The following KIF3C variants were observed in gnomAD, a reference collection of about 807,000 sequenced individuals.
KIF3C encodes the protein kinesin-like protein KIF3C.
Under a neutral mutation model 67.7 loss-of-function variants are expected in KIF3C, and 12 were observed. The ratio of observed to expected loss-of-function variants is 0.18; its 90% confidence interval spans 0.11 to 0.29. The LOEUF is 0.29. KIF3C is among the 10% of genes least tolerant of loss of function. The pLI is 1.00. For synonymous variants in KIF3C, 393 were observed against 426.2 expected, an observed-to-expected ratio of 0.92 and a Z score of 0.96; for missense variants, 789 against 1,059.6, an observed-to-expected ratio of 0.74 and a Z score of 3.55.
At chr2:25,945,564 C>CAAAAAAAAAAAAA (rs10581291) in intron 5 of KIF3C, among the ~76,000 whole-genome samples, 1 of 67,392 alleles carries the variant, frequency 1.5e-5, no homozygotes, top group Non-Finnish European at 3.0e-5. Context: ...GAGAATATCT[C>CAAAAAAAAAAAAA]AAAAAAAAAA....
intron 6 of KIF3C, 67 bp downstream of exon 6, chr2:25,929,888 T>C: frequency 9.0e-7 from 1 of 1,105,116 alleles, no homozygotes; most frequent in Non-Finnish European, 1.4e-6. Context: ...AGTGCTGGGA[T>C]TACAGGTGTG....
chr2:25,971,452 AAAAAG>A (rs1198132452), intron 1 of KIF3C, among the ~76,000 whole-genome samples: 1 of 151,680 alleles, frequency 6.6e-6, no homozygotes, highest in African/African-American at 2.4e-5. Context: ...AAAAAAAAAG[AAAAAG>A]AAAAAAGAAA....
chr2:25,962,401 C>A (rs767906035), intron 1 of KIF3C, among the ~76,000 whole-genome samples: 2 of 151,668 alleles, frequency 1.3e-5, no homozygotes, highest in East Asian at 1.9e-4. Context: ...TTTTTTGAGA[C>A]GGAGTTTCGC....
intron 1 of KIF3C, among the ~76,000 whole-genome samples, chr2:25,968,580 T>C (rs1209982917): frequency 1.3e-5 from 2 of 152,218 alleles, no homozygotes; most frequent in Non-Finnish European, 2.9e-5. Context: ...GACAACAGAA[T>C]GTTCCAGTGT....
At chr2:25,947,546 A>T (rs570722885) in intron 5 of KIF3C, among the ~76,000 whole-genome samples, 6 of 151,874 alleles carry the variant, frequency 4.0e-5, no homozygotes, top group Non-Finnish European at 8.8e-5. Flanking sequence ...GCGCCACTGC[A>T]CTCCAGCCTG....
At position 25,981,482 on chromosome 2, in the gene KIF3C, A is replaced by G. The variant is rs1458630341; in HGVS notation, c.436T>C (p.Leu146=). Residue 146 remains leucine, a synonymous_variant, in exon 1 of 8, where the codon TTG becomes CTG. Coordinates refer to ENST00000264712, the MANE Select transcript of KIF3C (RefSeq NM_002254.8). This position sits in a 1 kb window ranked among gnomAD's most constrained non-coding sequence, Gnocchi z 8.2. ...NQQYLVRASY[L]EIYQEEIRDL... is the part of the protein sequence containing the mutation. ...CGAATCTCTTCCTGGTAGATCTCCA[A>G]ATAGGAGGCCCGGACCAGGTACTGT... The G allele has an allele frequency of 1.2e-6, 2 of 1,613,348 alleles. No homozygotes were observed. The highest frequency in any genetic ancestry group is 2.7e-5 in the African/African-American group (2 of 74,590).
chr2:25,953,678 T>G (rs7420152), intron 4 of KIF3C, among the ~76,000 whole-genome samples: 31,436 of 137,232 alleles, frequency 0.23, 5,154 homozygotes, highest in East Asian at 0.87. Context: ...TTTTGTTTTT[T>G]TTTTTTTTTT....
intron 5 of KIF3C, among the ~76,000 whole-genome samples, chr2:25,942,212 G>C (rs1663299413): frequency 6.6e-6 from 1 of 150,750 alleles, no homozygotes; most frequent in Non-Finnish European, 1.5e-5. Context: ...ACAAAAATTA[G>C]CTGGGCGTGG....
chr2:25,971,890 T>TTTC (rs1664293762), intron 1 of KIF3C, among the ~76,000 whole-genome samples: 3 of 144,442 alleles, frequency 2.1e-5, no homozygotes, highest in Non-Finnish European at 4.6e-5. Context: ...TTTTTTTTTT[T>TTTC]TTTTTTTTTA....
In KIF3C at chr2:25,981,855, G is replaced by T. The variant is rs1376407166; in HGVS notation, c.63C>A (p.Ser21Arg). The T allele has an allele frequency of 6.2e-7, 1 of 1,602,334 alleles. No individual in the cohort carries two copies. Among genetic ancestry groups the T allele is most frequent in the Non-Finnish European group, 8.5e-7 (1 of 1,174,204 alleles). Residue 21 changes from serine (S) to arginine (R), a missense_variant, in exon 1 of 8, where the codon AGC becomes AGA. Coordinates refer to ENST00000264712, the MANE Select transcript of KIF3C (RefSeq NM_002254.8). This position sits in a 1 kb window ranked among gnomAD's most constrained non-coding sequence, Gnocchi z 8.2. ...LKVVARCRPLSRKEEAAGHEQ... is the reference protein window; with the variant it reads ...LKVVARCRPLRRKEEAAGHEQ... ...CGTGACCAGCAGCCTCCTCCTTCCT[G>T]CTGAGGGGGCGGCACCGGGCCACCA... is the stretch of plus-strand genomic sequence containing the variant.
At position 25,951,731 on chromosome 2, in the gene KIF3C, C is replaced by G. The variant is rs952704732; in HGVS notation, c.2006+58G>C. ...GCAAGGCCTCAGGCCCCTCACCAGC[C>G]CCGACCTGGAGTGGACCCACAAGTC... On this transcript the variant is annotated intron_variant, in intron 5 of 7. Coordinates refer to ENST00000264712, the MANE Select transcript of KIF3C (RefSeq NM_002254.8). 9 of 1,189,710 alleles carry G rather than the reference C, an allele frequency of 7.6e-6. No individual in the cohort carries two copies. The African/African-American group carries it at 1.4e-4, about 18-fold the overall frequency. The allele number at this position is 1,189,710 out of a possible 1,614,324, so 73.7% of individuals were successfully genotyped here. A position where few individuals can be genotyped will look rare whatever the true frequency, so the allele number is the denominator to read the frequency against.
At chr2:25,976,876 T>C (rs1197777933) in intron 1 of KIF3C, among the ~76,000 whole-genome samples, 1 of 152,234 alleles carries the variant, frequency 6.6e-6, no homozygotes. Flanking sequence ...CTGTCCTCAC[T>C]GCAGTATGTA....
chr2:25,936,094 A>AAAAC (rs1663118454), intron 5 of KIF3C, among the ~76,000 whole-genome samples: 12 of 150,926 alleles, frequency 8.0e-5, no homozygotes, highest in South Asian at 2.1e-4. Context: ...CTCAAAAAAA[A>AAAAC]AAAACAAAAC....
intron 5 of KIF3C, among the ~76,000 whole-genome samples, chr2:25,945,562 C>T (rs1314494371): frequency 2.8e-5 from 2 of 70,578 alleles, no homozygotes; most frequent in African/African-American, 1.5e-4. Flanking sequence ...GTGAGAATAT[C>T]TCAAAAAAAA....
rs538588890 is a variant in KIF3C at position 25,929,763 on chromosome 2, C to A, written c.2115+192G>T. Among the ~76,000 whole-genome samples, 6 of 150,674 alleles carry A rather than the reference C, an allele frequency of 4.0e-5. No individual in the cohort carries two copies. The South Asian group carries it at 1.3e-3, about 32-fold the overall frequency. On this transcript the variant is annotated intron_variant, in intron 6 of 7. Coordinates refer to ENST00000264712, the MANE Select transcript of KIF3C (RefSeq NM_002254.8). The stretch of plus-strand genomic sequence containing the variant: ...CCCAAGTAGCTGGGACTATAGGCAC[C>A]CATCACCACGCCTGGCTAATTTTTG...
At chr2:25,956,485 G>T in intron 1 of KIF3C, 41 bp from the exon 2 acceptor site, 1 of 1,474,886 alleles carries the variant, frequency 6.8e-7, no homozygotes, top group Non-Finnish European at 9.5e-7. Flanking sequence ...TTTGCAAAGG[G>T]TCCACAACAT....
At chr2:25,932,575 G>A (rs995161865) in intron 5 of KIF3C, among the ~76,000 whole-genome samples, 2 of 151,092 alleles carry the variant, frequency 1.3e-5, no homozygotes, top group African/African-American at 2.4e-5. Context: ...GCTCATGCCT[G>A]TAATCCCAGC....
Position 25,955,678 on chromosome 2 carries a change from G to C in KIF3C, c.1648-15C>G. 2 of 1,613,864 alleles carry C rather than the reference G, an allele frequency of 1.2e-6. No individual in the cohort carries two copies. Among genetic ancestry groups the C allele is most frequent in the East Asian group, 2.2e-5 (1 of 44,880 alleles). On this transcript the variant is annotated splice_polypyrimidine_tract_variant and intron_variant, in intron 2 of 7. Coordinates refer to ENST00000264712, the MANE Select transcript of KIF3C (RefSeq NM_002254.8). This position sits in a 1 kb window ranked among gnomAD's most constrained non-coding sequence, Gnocchi z 5.0. ...TCACGACGTTTCTAGGCCAAGGACG[G>C]GCAGTGTGGCTCAAAGGAGCAGTGC...
Position 25,954,033 on chromosome 2 carries a change from T to C in KIF3C, c.1889+234A>G. 2 of 512,754 alleles carry C rather than the reference T, an allele frequency of 3.9e-6. 1 individual carries two copies. Among genetic ancestry groups the C allele is most frequent in the South Asian group, 5.6e-5 (2 of 35,726 alleles). The allele number at this position is 512,754 out of a possible 1,614,324, so 31.8% of individuals were successfully genotyped here. A position where few individuals can be genotyped will look rare whatever the true frequency, so the allele number is the denominator to read the frequency against. ...TGCAAAGATGGTAGCCTCAGGGCCT[T>C]CGGAGTTACTTTTGGCCAGCACCTA... On this transcript the variant is annotated intron_variant, in intron 4 of 7. Transcript: ENST00000264712.
Sources: gnomAD v4.1 joint callset for allele counts (sites outside exome capture counted in the v4.1 genomes callset) on GRCh38, gnomAD v4.1.1 for gene constraint, Gnocchi (gnomAD v3.1) non-coding constraint, MANE v1.5 for transcripts, NCBI Gene and HGNC (gene_info 2026-07-23, HGNC 2026-07-21) for gene names.